MX1: variants seen among roughly 807,000 people sequenced by gnomAD.
The protein encoded by MX1 is interferon-induced GTP-binding protein Mx1.
Under a neutral mutation model 66.4 loss-of-function variants are expected in MX1, and 66 were observed. The ratio of observed to expected loss-of-function variants is 0.99; its 90% CI spans 0.82 to 1.22. The LOEUF is 1.22. Among genes scored for constraint, MX1 ranks in the 50% most tolerant of loss-of-function variants. The pLI, the probability that MX1 is intolerant of heterozygous loss-of-function variation, is 0.00. For synonymous variants in MX1, 311 were observed against 318.1 expected, an observed-to-expected ratio of 0.98 and a Z score of 0.24; for missense variants, 787 against 834.3, an observed-to-expected ratio of 0.94 and a Z score of 0.70.
chr21:41,443,920 C>A, intron 11 of MX1, 54 bp downstream of exon 11: 1 of 1,506,452 alleles, frequency 6.6e-7, no homozygotes, highest in Non-Finnish European at 9.2e-7. Context: ...GACCGCAGAG[C>A]TGAACCTTGC....
chr21:41,421,237 A>G (rs1410091793), upstream of MX1: 2 of 152,330 alleles, frequency 1.3e-5, no homozygotes, highest in Non-Finnish European at 2.9e-5. Flanking sequence ...TGCTGCCTGC[A>G]TGTCCCACCT....
Position 41,437,101 on chromosome 21 carries a change from TA to T in MX1, c.386del (p.Tyr129SerfsTer11). 6.2e-7 allele frequency: 1 copy of T among 1,613,984 alleles called. No homozygotes were observed. Among genetic ancestry groups the T allele is most frequent in the Non-Finnish European group, 8.5e-7 (1 of 1,179,946 alleles). On this transcript the variant is annotated frameshift_variant, in exon 7 of 17. Coordinates refer to ENST00000398598, the MANE Select transcript of MX1 (RefSeq NM_002462.5). LOFTEE classifies it high-confidence loss of function. The stretch of plus-strand genomic sequence containing the variant: ...GAGAGGCAAGGTCAGTTACCAGGAC[TA>T]CGAGATTGAGATTTCGGATGCTTCA... ...KWRGKVSYQDYEIEISDASEV... is the reference protein window; with the variant it reads ...KWRGKVSYQDXEIEISDASEV...
At chr21:41,422,498 T>C (rs1481982741), upstream of MX1, among the ~76,000 whole-genome samples, 1 of 152,140 alleles carries the variant, frequency 6.6e-6, no homozygotes, top group Non-Finnish European at 1.5e-5. Flanking sequence ...GAGGGCAGCC[T>C]GGCAGAGGGA....
intron 6 of MX1, among the ~76,000 whole-genome samples, chr21:41,436,704 C>T (rs893382685): frequency 6.6e-6 from 1 of 152,010 alleles, no homozygotes; most frequent in African/African-American, 2.4e-5. Flanking sequence ...GGATGAGTTT[C>T]GGGGGATTCC....
intron 5 of MX1, among the ~76,000 whole-genome samples, chr21:41,435,471 A>C (rs1472923800): frequency 6.6e-6 from 1 of 152,182 alleles, no homozygotes; most frequent in Non-Finnish European, 1.5e-5. Context: ...ACTGCCTGAA[A>C]CTAGGTAATT....
At chr21:41,425,535 G>A (rs1354662264), upstream of MX1, among the ~76,000 whole-genome samples, 2 of 151,998 alleles carry the variant, frequency 1.3e-5, no homozygotes, top group African/African-American at 4.8e-5. Flanking sequence ...CAAGTCACAG[G>A]GGATGCGATG....
intron 16 of MX1, among the ~76,000 whole-genome samples, chr21:41,454,152 C>T (rs143928979): frequency 7.6e-4 from 115 of 152,236 alleles, no homozygotes; most frequent in African/African-American, 2.6e-3. Flanking sequence ...CTGTTACAGC[C>T]GTTTCAAAAT....
chr21:41,443,384 A>G (rs1290297826), intron 10 of MX1: 3 of 156,602 alleles, frequency 1.9e-5, no homozygotes, highest in African/African-American at 7.2e-5. Context: ...TCTGCTACCC[A>G]TTTATCTCAA....
chr21:41,451,020 T>G, intron 14 of MX1, 147 bp from the exon 15 acceptor site: 3 of 549,038 alleles, frequency 5.5e-6, no homozygotes, highest in Non-Finnish European at 9.8e-6. Context: ...AAAAAGAGCA[T>G]GCCTTGCTTT....
Position 41,430,624 on chromosome 21 carries a change from C to G in MX1, c.-22+16C>G, listed in dbSNP as rs188969166. On this transcript the variant is annotated intron_variant, in intron 4 of 16. Coordinates refer to ENST00000398598, the MANE Select transcript of MX1 (RefSeq NM_002462.5). ...TATATTAGAGGTAAGTTGGTGCATGCTATTTTCTGTAACATTTATTTTGAG... is the reference window on the plus strand; with the variant it reads ...TATATTAGAGGTAAGTTGGTGCATGGTATTTTCTGTAACATTTATTTTGAG... 1.3e-5 allele frequency: 2 copies of G among 152,230 alleles called. No homozygotes were observed. Among genetic ancestry groups the G allele is most frequent in the African/African-American group, 4.8e-5 (2 of 41,522 alleles). The allele number at this position is 152,230 out of a possible 1,614,324, so 9.4% of individuals were successfully genotyped here. A position where few individuals can be genotyped will look rare whatever the true frequency, so the allele number is the denominator to read the frequency against.
At chr21:41,450,614 A>G (rs567971271) in intron 14 of MX1, among the ~76,000 whole-genome samples, 1 of 152,236 alleles carries the variant, frequency 6.6e-6, no homozygotes, top group Non-Finnish European at 1.5e-5. Flanking sequence ...CATAAAAATC[A>G]ACATAGATAT....
At position 41,452,806 on chromosome 21, in the gene MX1, G is replaced by A. The variant is rs469304; in HGVS notation, c.1695G>A (p.Gln565=). ...KKKSWDFGAF[Q]SSSATDSSME... ...AATCCTGGGATTTTGGGGCTTTCCA[G>A]TCCAGCTCGGCAACAGACTCTTCCA... is the stretch of plus-strand genomic sequence containing the variant. Residue 565 remains glutamine, a synonymous_variant, in exon 16 of 17, where the codon CAG becomes CAA. Transcript: ENST00000398598. The A allele has an allele frequency of 0.51, 815,641 of 1,613,828 alleles. 220,990 individuals carry two copies. Among genetic ancestry groups the A allele is most frequent in the Non-Finnish European group, 0.57 (671,168 of 1,179,926 alleles).
rs116258452 is a variant in MX1, at chr21:41,458,450, C to T, written c.1759-78C>T. 5.9e-4 allele frequency: 683 copies of T among 1,161,140 alleles called. 3 individuals are homozygous for T. The African/African-American group carries it at 0.011, about 18-fold the overall frequency. The allele number at this position is 1,161,140 out of a possible 1,614,324, so 71.9% of individuals were successfully genotyped here. ...CCCTCATTGAGAATCTGGATCCCCT[C>T]ATGTGCACATGGTGAGGTCAGAGTC... On this transcript the variant is annotated intron_variant, in intron 16 of 16. Coordinates refer to ENST00000398598, the MANE Select transcript of MX1 (RefSeq NM_002462.5).
chr21:41,454,687 T>G (rs1267822037), intron 16 of MX1, among the ~76,000 whole-genome samples: 2 of 152,186 alleles, frequency 1.3e-5, no homozygotes, highest in African/African-American at 4.8e-5. Context: ...AAGGAGGCAG[T>G]GAACACAGAC....
Position 41,458,513 on chromosome 21 carries a change from G to A in MX1, c.1759-15G>A, listed in dbSNP as rs371233616. On this transcript the variant is annotated splice_polypyrimidine_tract_variant and intron_variant, in intron 16 of 16. Transcript: ENST00000398598. ...TGTCCCCTCCACCCTCCCGTGAACT[G>A]TTCTTTCCTTCCAGGAGGCCAGCAA... is the stretch of plus-strand genomic sequence containing the variant. 4.3e-4 allele frequency: 609 copies of A among 1,418,784 alleles called. No homozygotes were observed. The highest frequency in any genetic ancestry group is 5.6e-4 in the Non-Finnish European group (587 of 1,056,048). The allele number at this position is 1,418,784 out of a possible 1,614,324, so 87.9% of individuals were successfully genotyped here.
chr21:41,444,917 G>T (rs1041309079), intron 11 of MX1, among the ~76,000 whole-genome samples: 6 of 152,166 alleles, frequency 3.9e-5, no homozygotes, highest in African/African-American at 1.4e-4. Context: ...TACATTTAAA[G>T]GTGCAGCTTT....
Position 41,449,245 on chromosome 21 carries a change from A to G in MX1, c.1382A>G (p.Gln461Arg), listed in dbSNP as rs770587272. The G allele has an allele frequency of 2.5e-6, 4 of 1,614,070 alleles. No homozygotes were observed. The highest frequency in any genetic ancestry group is 3.4e-6 in the Non-Finnish European group (4 of 1,180,004). ...YRTFETIVKQ[Q>R]IKALEEPAVD... is the part of the protein sequence containing the mutation. ...ACATTTGAGACAATCGTGAAACAGCAAATCAAGGCACTGGAAGAGCCGGCT... is the reference window on the plus strand; with the variant it reads ...ACATTTGAGACAATCGTGAAACAGCGAATCAAGGCACTGGAAGAGCCGGCT... Residue 461 changes from glutamine (Q) to arginine (R), a missense_variant, in exon 14 of 17, where the codon CAA becomes CGA. Coordinates refer to ENST00000398598, the MANE Select transcript of MX1 (RefSeq NM_002462.5).
intron 13 of MX1, among the ~76,000 whole-genome samples, chr21:41,447,039 G>A (rs365628): frequency 0.52 from 79,668 of 151,778 alleles, 21,469 homozygotes; most frequent in Non-Finnish European, 0.6. Flanking sequence ...TGTGTGTAGC[G>A]GTTGGCTTTG....
chr21:41,445,829 G>C (rs1778573148), intron 12 of MX1, 171 bp from the exon 13 acceptor site: 1 of 886,660 alleles, frequency 1.1e-6, no homozygotes, highest in Admixed American at 2.8e-5. Context: ...AGGCAGTAAG[G>C]GGTGGGATAG....
Sources: gnomAD v4.1 joint callset for allele counts (sites outside exome capture counted in the v4.1 genomes callset) on GRCh38, gnomAD v4.1.1 for gene constraint, MANE v1.5 for transcripts, NCBI Gene and HGNC (gene_info 2026-07-23, HGNC 2026-07-21) for gene names.